Variants in TOX2 observed in about 807,000 individuals in gnomAD.
TOX2 encodes the protein TOX high mobility group box family member 2.
In TOX2, 15 loss-of-function variants were observed where a neutral mutation model predicts 47.4. That is an observed-to-expected ratio of 0.32 (90% confidence interval 0.21 to 0.49). The LOEUF (loss-of-function observed/expected upper bound fraction) is 0.49, where lower values mean the gene tolerates loss of function less well. Among genes scored for constraint, TOX2 ranks in the 20% least tolerant of loss-of-function variants. The pLI is 0.99. For missense variants in TOX2, 622 were observed against 673.1 expected (o/e 0.92, Z 0.84); for synonymous variants, 290 against 296.6 (o/e 0.98, Z 0.23).
At chr20:43,960,949 C>A (rs1251382833) in intron 1 of TOX2, among the ~76,000 whole-genome samples, 1 of 152,224 alleles carries the variant, frequency 6.6e-6, no homozygotes, top group African/African-American at 2.4e-5. Flanking sequence ...AAACTGAGGC[C>A]TAGAAAGGGG....
chr20:43,992,255 C>T (rs4812777), intron 2 of TOX2, among the ~76,000 whole-genome samples: 28,726 of 152,018 alleles, frequency 0.19, 3,274 homozygotes, highest in African/African-American at 0.3. Context: ...ATCTGATCGA[C>T]GGCTGGGATG....
chr20:44,013,731 C>G (rs1191726288), intron 3 of TOX2, among the ~76,000 whole-genome samples: 1 of 152,186 alleles, frequency 6.6e-6, no homozygotes, highest in African/African-American at 2.4e-5. Flanking sequence ...AGCCTGCCTG[C>G]AGCTGCTTAT....
At chr20:43,983,294 C>T (rs1213819035) in intron 2 of TOX2, among the ~76,000 whole-genome samples, 2 of 152,160 alleles carry the variant, frequency 1.3e-5, no homozygotes, top group Admixed American at 6.5e-5. Context: ...ACTTGGAGTT[C>T]GTGATTCTTG....
At chr20:43,974,087 T>C (rs1322629297) in intron 2 of TOX2, among the ~76,000 whole-genome samples, 1 of 152,162 alleles carries the variant, frequency 6.6e-6, no homozygotes, top group Non-Finnish European at 1.5e-5. Flanking sequence ...TAGACTATGA[T>C]GCCACAGAGG....
intron 2 of TOX2, among the ~76,000 whole-genome samples, chr20:43,990,748 T>G (rs907478622): frequency 2.0e-5 from 3 of 152,100 alleles, no homozygotes; most frequent in Non-Finnish European, 4.4e-5. Context: ...CAGTGTGCTC[T>G]AGGGGACTTC....
chr20:44,029,506 C>T (rs974524907), intron 3 of TOX2, among the ~76,000 whole-genome samples: 5 of 152,130 alleles, frequency 3.3e-5, no homozygotes, highest in African/African-American at 4.8e-5. Flanking sequence ...TTGGAGGCTC[C>T]GTTTGCTCAA....
At chr20:43,998,931 T>TGTATTTTTA (rs1323560995) in intron 2 of TOX2, among the ~76,000 whole-genome samples, 1 of 152,174 alleles carries the variant, frequency 6.6e-6, no homozygotes, top group Non-Finnish European at 1.5e-5. Flanking sequence ...AGCTAATTTT[T>TGTATTTTTA]GTATTTTTAG....
At chr20:43,984,263 G>A (rs949973620) in intron 2 of TOX2, among the ~76,000 whole-genome samples, 10 of 152,090 alleles carry the variant, frequency 6.6e-5, no homozygotes, top group Non-Finnish European at 1.3e-4. Flanking sequence ...AAATACCAGA[G>A]GCCTTAAAGG....
Position 44,005,970 on chromosome 20 carries a change from G to A in TOX2, c.166-577G>A, listed in dbSNP as rs891986412. ...AAAAAAACAAGGAAGGACTGGAAAG[G>A]AAGGTGCACAGGTGACTCCTGGTTT... On this transcript the variant is annotated intron_variant, in intron 2 of 8. Transcript: ENST00000341197. 2.0e-5 allele frequency among the ~76,000 whole-genome samples: 3 copies of A among 152,112 alleles called. No individual in the cohort carries two copies. In the South Asian group the frequency reaches 6.2e-4, roughly 32 times the overall value.
chr20:44,036,422 C>T (rs1050337436), intron 3 of TOX2, among the ~76,000 whole-genome samples: 9 of 152,212 alleles, frequency 5.9e-5, no homozygotes, highest in Admixed American at 2.6e-4. Flanking sequence ...ACCTTGGGCA[C>T]GTGACTTCTC....
chr20:43,966,465 G>A (rs1194263980), intron 1 of TOX2, among the ~76,000 whole-genome samples: 1 of 152,188 alleles, frequency 6.6e-6, no homozygotes, highest in Non-Finnish European at 1.5e-5. Context: ...ATGTGTAAGA[G>A]TGGGGGCACT....
intron 3 of TOX2, among the ~76,000 whole-genome samples, chr20:44,012,346 AACCTGC>A: frequency 6.6e-6 from 1 of 152,324 alleles, no homozygotes; most frequent in East Asian, 1.9e-4. Context: ...GTTCCTGGGG[AACCTGC>A]ATCTTTTGTG....
At chr20:43,986,247 G>A (rs2070261218) in intron 2 of TOX2, among the ~76,000 whole-genome samples, 4 of 151,800 alleles carry the variant, frequency 2.6e-5, no homozygotes, top group African/African-American at 4.9e-5. Flanking sequence ...GGACGAGGAA[G>A]CCTTTTAAAA....
At chr20:44,066,912 G>A (rs1192679786) in intron 8 of TOX2, 55 bp downstream of exon 8, 1 of 1,568,662 alleles carries the variant, frequency 6.4e-7, no homozygotes, top group African/African-American at 1.3e-5. Flanking sequence ...AGTGGGAACA[G>A]GATGGCCAGG....
chr20:43,970,562 A>C (rs969708398), intron 1 of TOX2, among the ~76,000 whole-genome samples: 1 of 151,998 alleles, frequency 6.6e-6, no homozygotes, highest in African/African-American at 2.4e-5. Flanking sequence ...CAAACACTTC[A>C]TTAAACTTAA....
chr20:44,037,474 A>G (rs996080520), intron 3 of TOX2, among the ~76,000 whole-genome samples: 6 of 152,208 alleles, frequency 3.9e-5, no homozygotes, highest in Non-Finnish European at 8.8e-5. Flanking sequence ...TACAGTGGAA[A>G]ACATCTCAGA....
chr20:43,968,002 C>T (rs1441788570), intron 1 of TOX2, among the ~76,000 whole-genome samples: 1 of 152,154 alleles, frequency 6.6e-6, no homozygotes, highest in Non-Finnish European at 1.5e-5. Flanking sequence ...TGTAAAATTA[C>T]ATATGTGGGT....
In TOX2 at chr20:43,958,007, C is replaced by T. The variant is rs531434493; in HGVS notation, c.100-15360C>T. ...TCCTCCAAAATTGGGCATTACAATT[C>T]GACATGAGACTTGGGTGGGGACATA... On this transcript the variant is annotated intron_variant, in intron 1 of 8. Coordinates refer to ENST00000341197, the MANE Select transcript of TOX2 (RefSeq NM_001098797.2). Among the ~76,000 whole-genome samples the T allele has an allele frequency of 7.2e-5, 11 of 152,228 alleles. No homozygotes were observed. In the South Asian group the frequency reaches 1.7e-3, roughly 23 times the overall value.
At chr20:44,027,929 C>G (rs931413053) in intron 3 of TOX2, among the ~76,000 whole-genome samples, 17 of 152,122 alleles carry the variant, frequency 1.1e-4, no homozygotes, top group African/African-American at 4.1e-4. Context: ...AGCTCCCAGC[C>G]CACCTGGCTC....
Sources: allele counts gnomAD v4.1 joint callset (sites outside exome capture counted in the v4.1 genomes callset), GRCh38; gene constraint gnomAD v4.1.1; transcripts MANE v1.5; gene names NCBI Gene and HGNC (gene_info 2026-07-23, HGNC 2026-07-21).